The following WWP2 variants were observed in gnomAD, a reference collection of about 807,000 sequenced individuals.
WWP2 encodes NEDD4-like E3 ubiquitin-protein ligase WWP2.
WWP2 carries 57 observed loss-of-function variants against 121.0 expected under a neutral mutation model. That is an observed-to-expected ratio of 0.47 (90% CI 0.38 to 0.59). WWP2 has a LOEUF of 0.59. Among genes scored for constraint, WWP2 ranks in the 20% least tolerant of loss-of-function variants. WWP2 has a pLI of 0.00. For missense variants in WWP2, 962 were observed against 1,158.9 expected (o/e 0.83, Z 2.47); for synonymous variants, 449 against 441.3 (o/e 1.02, Z -0.22).
chr16:69,909,763 A>G (rs563465125), intron 9 of WWP2: 1 of 919,722 alleles, frequency 1.1e-6, no homozygotes, highest in South Asian at 5.0e-5. Flanking sequence ...AATTATGAAA[A>G]TGTTCTTATT....
chr16:69,821,038 C>T (rs550101299), intron 4 of WWP2, among the ~76,000 whole-genome samples: 2 of 152,340 alleles, frequency 1.3e-5, no homozygotes, highest in Non-Finnish European at 2.9e-5. Context: ...AAATGCAAGC[C>T]GTTGTTTCAT....
chr16:69,876,840 G>A (rs775427622), intron 7 of WWP2, among the ~76,000 whole-genome samples: 21 of 152,140 alleles, frequency 1.4e-4, no homozygotes, highest in Non-Finnish European at 2.8e-4. Context: ...ATGTTGAAAG[G>A]AATCTTTTTT....
intron 9 of WWP2, among the ~76,000 whole-genome samples, chr16:69,911,192 C>T (rs977014159): frequency 2.6e-5 from 4 of 152,326 alleles, no homozygotes; most frequent in Middle Eastern, 3.4e-3. Flanking sequence ...TCATGGCCGT[C>T]CCTGCATAGG....
At chr16:69,901,696 G>A (rs1260747975) in intron 8 of WWP2, among the ~76,000 whole-genome samples, 6 of 152,214 alleles carry the variant, frequency 3.9e-5, no homozygotes, top group African/African-American at 7.2e-5. Context: ...TCAGTGAAAA[G>A]TAAGCAAATT....
chr16:69,783,934 G>T (rs560566511), intron 1 of WWP2, among the ~76,000 whole-genome samples: 1 of 152,062 alleles, frequency 6.6e-6, no homozygotes, highest in Non-Finnish European at 1.5e-5. Flanking sequence ...CGGCATGGGC[G>T]ACAGAGTGAG....
intron 2 of WWP2, chr16:69,788,008 G>A (rs549493817): frequency 1.3e-5 from 2 of 152,292 alleles, no homozygotes; most frequent in African/African-American, 2.4e-5. Context: ...CCTGTCTCTC[G>A]GCTTCTGCAC....
At chr16:69,910,819 G>A (rs1031645617) in intron 9 of WWP2, among the ~76,000 whole-genome samples, 1 of 152,146 alleles carries the variant, frequency 6.6e-6, no homozygotes, top group Admixed American at 6.5e-5. Flanking sequence ...TCTAAGGATC[G>A]CTGGGGACTT....
Position 69,811,506 on chromosome 16 carries a change from G to C in WWP2, c.340+12211G>C, listed in dbSNP as rs555373442. Among the ~76,000 whole-genome samples, 8 of 152,224 alleles carry C rather than the reference G, an allele frequency of 5.3e-5. No homozygotes were observed. The South Asian group carries it at 1.5e-3, about 28-fold the overall frequency. ...GGTGGCTTATACCTCCCCACACTTT[G>C]GGAGGCTGAGGTGGGAGGCCCTCTT... On this transcript the variant is annotated intron_variant, in intron 4 of 23. Coordinates refer to ENST00000359154, the MANE Select transcript of WWP2 (RefSeq NM_001270454.2).
In WWP2 at chr16:69,814,025, G is replaced by A. The variant is rs535570668; in HGVS notation, c.340+14730G>A. ...GAGGCCAGTGGCACAAGCATCTCCAGGAAATATGTCAGACACCTAAATTCT... is the reference window on the plus strand; with the variant it reads ...GAGGCCAGTGGCACAAGCATCTCCAAGAAATATGTCAGACACCTAAATTCT... On this transcript the variant is annotated intron_variant, in intron 4 of 23. Coordinates refer to ENST00000359154, the MANE Select transcript of WWP2 (RefSeq NM_001270454.2). Among the ~76,000 whole-genome samples the A allele has an allele frequency of 4.1e-4, 62 of 152,284 alleles. 1 individual carries two copies. The highest frequency in any genetic ancestry group is 1.5e-3 in the African/African-American group (62 of 41,558).
rs748785915 is a variant in WWP2, at chr16:69,917,745, C to T, written c.1041C>T (p.Tyr347=). The change falls in exon 10 of 24, where the codon TAC becomes TAT. Residue 347 remains tyrosine, a synonymous_variant. Transcript: ENST00000359154. ...GCACAGATCCCCGAGGCAGGTTTTACTATGTGGATCACAATACTCGGACCA... is the reference window on the plus strand; with the variant it reads ...GCACAGATCCCCGAGGCAGGTTTTATTATGTGGATCACAATACTCGGACCA... The part of the protein sequence containing the change: ...EKRTDPRGRF[Y]YVDHNTRTTT... The T allele has an allele frequency of 3.1e-6, 5 of 1,609,842 alleles. No homozygotes were observed. The East Asian group carries it at 1.1e-4, about 36-fold the overall frequency.
chr16:69,861,996 G>A (rs2057430526), intron 6 of WWP2, among the ~76,000 whole-genome samples: 1 of 152,094 alleles, frequency 6.6e-6, no homozygotes, highest in African/African-American at 2.4e-5. Flanking sequence ...AATGTGAGAG[G>A]AGTTTTATTA....
chr16:69,938,941 C>A, intron 21 of WWP2, 86 bp from the exon 22 acceptor site: 2 of 1,281,342 alleles, frequency 1.6e-6, no homozygotes, highest in Non-Finnish European at 2.2e-6. Flanking sequence ...CAAAGAGGGG[C>A]CCCGCTGAGC....
chr16:69,778,489 A>T (rs2055588858), intron 1 of WWP2, among the ~76,000 whole-genome samples: 1 of 152,002 alleles, frequency 6.6e-6, no homozygotes. Context: ...GCTGAGACAG[A>T]GTGTGAAGTC....
intron 9 of WWP2, among the ~76,000 whole-genome samples, chr16:69,912,681 A>G (rs2058398122): frequency 6.6e-6 from 1 of 151,384 alleles, no homozygotes. Context: ...CTTCCTGGTC[A>G]CTCTACAGTC....
intron 1 of WWP2, among the ~76,000 whole-genome samples, chr16:69,777,164 A>T (rs920982516): frequency 2.6e-5 from 4 of 151,902 alleles, no homozygotes; most frequent in African/African-American, 9.6e-5. Flanking sequence ...TACAATACAC[A>T]TATGGATATA....
At position 69,811,436 on chromosome 16, in the gene WWP2, TG is replaced by T. The variant is rs768783869; in HGVS notation, c.340+12142del. 3.3e-5 allele frequency among the ~76,000 whole-genome samples: 5 copies of T among 152,120 alleles called. No individual in the cohort carries two copies. The East Asian group carries it at 9.7e-4, about 29-fold the overall frequency. ...AGCTTGGGCAACATAGTGAGACCCA[TG>T]CCACCCCTCCATCCCTACAAAAAAT... On this transcript the variant is annotated intron_variant, in intron 4 of 23. Transcript: ENST00000359154.
intron 7 of WWP2, among the ~76,000 whole-genome samples, chr16:69,872,599 G>A (rs1567397254): frequency 1.3e-5 from 2 of 152,148 alleles, no homozygotes; most frequent in African/African-American, 2.4e-5. Flanking sequence ...TTTCCTTCAC[G>A]TAAGGGAATT....
At chr16:69,796,214 G>A (rs77517847) in intron 2 of WWP2, among the ~76,000 whole-genome samples, 6,773 of 152,172 alleles carry the variant, frequency 0.045, 517 homozygotes, top group African/African-American at 0.15. Flanking sequence ...AATGTCTAGA[G>A]CTTACTCTCA....
intron 4 of WWP2, among the ~76,000 whole-genome samples, chr16:69,831,795 C>A (rs2056797144): frequency 6.7e-6 from 1 of 148,426 alleles, no homozygotes; most frequent in Non-Finnish European, 1.5e-5. Context: ...CTGTTAGTAC[C>A]TTAGGCATGC....
Sources: allele counts gnomAD v4.1 joint callset (sites outside exome capture counted in the v4.1 genomes callset), GRCh38; gene constraint gnomAD v4.1.1; transcripts MANE v1.5; gene names NCBI Gene and HGNC (gene_info 2026-07-23, HGNC 2026-07-21).